Variants in KCNQ5 observed in about 807,000 individuals in gnomAD.
KCNQ5 encodes the protein potassium voltage-gated channel subfamily Q member 5, also known as potassium voltage-gated channel subfamily KQT member 5.
In KCNQ5, 30 loss-of-function variants were observed where a neutral mutation model predicts 98.2. The ratio of observed to expected loss-of-function variants is 0.31; its 90% CI spans 0.23 to 0.41. The LOEUF (loss-of-function observed/expected upper bound fraction) is 0.41. Among genes scored for constraint, KCNQ5 ranks in the 10% least tolerant of loss-of-function variants. The pLI is 1.00. For synonymous variants in KCNQ5, 458 were observed against 449.4 expected (o/e 1.02, Z -0.24); for missense variants, 835 against 1,182.5 (o/e 0.71, Z 4.31).
intron 1 of KCNQ5, among the ~76,000 whole-genome samples, chr6:72,776,959 C>G (rs114862706): frequency 0.011 from 1,735 of 152,166 alleles, 34 homozygotes; most frequent in African/African-American, 0.038. Context: ...GGGATTTACA[C>G]TGATGAGGAG....
chr6:72,917,409 G>A (rs953519025), intron 1 of KCNQ5, among the ~76,000 whole-genome samples: 1 of 151,654 alleles, frequency 6.6e-6, no homozygotes, highest in Non-Finnish European at 1.5e-5. Flanking sequence ...ATCTGGAACA[G>A]ATTCTGGGGG....
At chr6:73,131,438 G>C (rs1776234979) in intron 9 of KCNQ5, among the ~76,000 whole-genome samples, 1 of 152,126 alleles carries the variant, frequency 6.6e-6, no homozygotes, top group Non-Finnish European at 1.5e-5. Context: ...ATCAAATATA[G>C]TGAGGACCAA....
intron 1 of KCNQ5, among the ~76,000 whole-genome samples, chr6:72,642,693 A>G (rs1765386253): frequency 6.6e-6 from 1 of 152,220 alleles, no homozygotes; most frequent in South Asian, 2.1e-4. Flanking sequence ...TGTGGAAAGC[A>G]GTATGATGAT....
chr6:72,891,319 G>A (rs542272121), intron 1 of KCNQ5, among the ~76,000 whole-genome samples: 1 of 152,226 alleles, frequency 6.6e-6, no homozygotes, highest in South Asian at 2.1e-4. Context: ...TTCTACACTT[G>A]AGTATGTGTA....
At chr6:72,774,048 T>C (rs1290409852) in intron 1 of KCNQ5, among the ~76,000 whole-genome samples, 3 of 152,100 alleles carry the variant, frequency 2.0e-5, no homozygotes. Context: ...GCAAGGTCAA[T>C]TGGATAGCCT....
intron 3 of KCNQ5, among the ~76,000 whole-genome samples, chr6:73,070,265 A>G (rs143175076): frequency 1.3e-5 from 2 of 152,334 alleles, no homozygotes; most frequent in Non-Finnish European, 2.9e-5. Context: ...AAAACATAAT[A>G]GAATCCCAAA....
At chr6:73,193,151 G>T (rs1418333294) in intron 13 of KCNQ5, among the ~76,000 whole-genome samples, 1 of 151,322 alleles carries the variant, frequency 6.6e-6, no homozygotes, top group Non-Finnish European at 1.5e-5. Flanking sequence ...CTCCCAAGTA[G>T]ATGGGATTAC....
In KCNQ5 at chr6:72,820,016, G is replaced by A. The variant is rs10943067; in HGVS notation, c.399-183892G>A. On this transcript the variant is annotated intron_variant, in intron 1 of 13. Coordinates refer to ENST00000370398, the MANE Select transcript of KCNQ5 (RefSeq NM_019842.4). ...CCCTTTTAAAGTCCCTTCCATCTGG[G>A]TATTACACTACTCCTCCATTTTTCT... Among the ~76,000 whole-genome samples, 1,039 of 152,172 alleles carry A rather than the reference G, an allele frequency of 6.8e-3. 23 individuals carry two copies. Among genetic ancestry groups the A allele is most frequent in the Admixed American group, 0.044 (671 of 15,260 alleles).
intron 12 of KCNQ5, 118 bp downstream of exon 12, chr6:73,190,822 C>A: frequency 3.5e-6 from 2 of 577,104 alleles, no homozygotes; most frequent in Non-Finnish European, 5.5e-6. Context: ...TTTTAGTGGG[C>A]AAATGGAATT....
At chr6:72,681,342 T>G (rs1232387431) in intron 1 of KCNQ5, among the ~76,000 whole-genome samples, 1 of 152,042 alleles carries the variant, frequency 6.6e-6, no homozygotes, top group Non-Finnish European at 1.5e-5. Flanking sequence ...TATTCTCTGT[T>G]GGGCTCTTTG....
Position 73,077,482 on chromosome 6 carries a change from T to C in KCNQ5, c.777T>C (p.Val259=), listed in dbSNP as rs982566042. 2.5e-6 allele frequency: 4 copies of C among 1,612,180 alleles called. No homozygotes were observed. The highest frequency in any genetic ancestry group is 2.7e-5 in the African/African-American group (2 of 74,862). ...GGTWKLLGSV[V]YAHSKELITA... Reference sequence around the variant, plus strand: ...CTTGGAAATTACTGGGTTCAGTGGTTTATGCTCACAGCAAGGTAAGATTTG... The same window carrying C: ...CTTGGAAATTACTGGGTTCAGTGGTCTATGCTCACAGCAAGGTAAGATTTG... The change falls in exon 4 of 14, where the codon GTT becomes GTC. Residue 259 remains valine (V), a synonymous_variant. Transcript: ENST00000370398.
intron 1 of KCNQ5, among the ~76,000 whole-genome samples, chr6:72,746,064 CAAAAAAA>C (rs59726566): frequency 2.1e-4 from 17 of 80,200 alleles, no homozygotes; most frequent in African/African-American, 5.6e-4. Context: ...ACTCTATTTG[CAAAAAAA>C]AAAAAAAAAA....
chr6:72,873,937 C>A (rs1778309363), intron 1 of KCNQ5, among the ~76,000 whole-genome samples: 1 of 151,846 alleles, frequency 6.6e-6, no homozygotes, highest in African/African-American at 2.4e-5. Flanking sequence ...GCTGTATAAA[C>A]CATTACACTC....
chr6:72,644,087 A>G lies in KCNQ5; in HGVS notation c.398+21500A>G, dbSNP rs112162457. 1.5e-3 allele frequency among the ~76,000 whole-genome samples: 230 copies of G among 152,312 alleles called. 1 individual carries two copies. Among genetic ancestry groups the G allele is most frequent in the African/African-American group, 5.2e-3 (217 of 41,574 alleles). On this transcript the variant is annotated intron_variant, in intron 1 of 13. Coordinates refer to ENST00000370398, the MANE Select transcript of KCNQ5 (RefSeq NM_019842.4). ...CAGGTATACACTTTGTAAATTAAAAAATACACACATAGTAGGTTGTTCTCA... is the reference window on the plus strand; with the variant it reads ...CAGGTATACACTTTGTAAATTAAAAGATACACACATAGTAGGTTGTTCTCA...
intron 1 of KCNQ5, among the ~76,000 whole-genome samples, chr6:72,995,630 C>T (rs1221751678): frequency 6.6e-6 from 1 of 152,068 alleles, no homozygotes; most frequent in African/African-American, 2.4e-5. Flanking sequence ...GATAGGGGTG[C>T]TCCAAAGTCA....
At chr6:72,914,219 T>C (rs548004633) in intron 1 of KCNQ5, among the ~76,000 whole-genome samples, 1 of 152,230 alleles carries the variant, frequency 6.6e-6, no homozygotes, top group Admixed American at 6.5e-5. Context: ...ATAACAACTT[T>C]GAATAAAGAA....
chr6:72,879,684 G>A (rs981059154), intron 1 of KCNQ5, among the ~76,000 whole-genome samples: 2 of 152,076 alleles, frequency 1.3e-5, no homozygotes, highest in African/African-American at 2.4e-5. Flanking sequence ...ATGAGGTTAT[G>A]CTCCTAAATT....
intron 1 of KCNQ5, among the ~76,000 whole-genome samples, chr6:72,664,000 C>T (rs1766659023): frequency 6.6e-6 from 1 of 152,216 alleles, no homozygotes; most frequent in South Asian, 2.1e-4. Context: ...AATTCTAACT[C>T]ATGACCTTGT....
chr6:73,099,278 T>C (rs1774660640), intron 5 of KCNQ5, among the ~76,000 whole-genome samples: 1 of 151,330 alleles, frequency 6.6e-6, no homozygotes, highest in South Asian at 2.1e-4. Flanking sequence ...AGAAAACAAA[T>C]AACAAAATGG....
Sources: gnomAD v4.1 joint callset for allele counts (sites outside exome capture counted in the v4.1 genomes callset) on GRCh38, gnomAD v4.1.1 for gene constraint, MANE v1.5 for transcripts, NCBI Gene and HGNC (gene_info 2026-07-23, HGNC 2026-07-21) for gene names.